LRP2: variants seen among roughly 807,000 people sequenced by gnomAD.
The protein encoded by LRP2 is low-density lipoprotein receptor-related protein 2.
Under a neutral mutation model 531.0 loss-of-function variants are expected in LRP2, and 172 were observed. The ratio of observed to expected loss-of-function variants is 0.32; its 90% CI spans 0.29 to 0.37. LRP2 has a LOEUF of 0.37. Among genes scored for constraint, LRP2 ranks in the 10% least tolerant of loss-of-function variants. LRP2 has a pLI of 1.00. For missense variants in LRP2, 5,167 were observed against 5,868.3 expected (o/e 0.88, Z 3.90); for synonymous variants, 1,992 against 2,027.6 (o/e 0.98, Z 0.47).
intron 24 of LRP2, among the ~76,000 whole-genome samples, 172 bp from the exon 25 acceptor site, chr2:169,241,537 A>G (rs533756310): frequency 6.6e-6 from 1 of 152,332 alleles, no homozygotes; most frequent in African/African-American, 2.4e-5. Flanking sequence ...ACTCTAGTAC[A>G]TAGAAATATT....
At chr2:169,308,909 A>G (rs535779065) in intron 3 of LRP2, among the ~76,000 whole-genome samples, 24 of 151,932 alleles carry the variant, frequency 1.6e-4, no homozygotes, top group African/African-American at 5.3e-4. Flanking sequence ...TTTAATGATC[A>G]CCATTCTAAC....
chr2:169,272,597 A>G (rs915487915), intron 15 of LRP2, among the ~76,000 whole-genome samples: 4 of 152,154 alleles, frequency 2.6e-5, no homozygotes, highest in African/African-American at 9.6e-5. Flanking sequence ...AAAGAGCTCA[A>G]AGTTCAACCA....
intron 67 of LRP2, 132 bp from the exon 68 acceptor site, chr2:169,151,158 TC>T: frequency 1.1e-6 from 1 of 937,232 alleles, no homozygotes. Flanking sequence ...CAGACCATAG[TC>T]CCCCTCTCTT....
intron 61 of LRP2, among the ~76,000 whole-genome samples, chr2:169,168,018 A>ATATATATATATATATATATAT (rs1686845879): frequency 1.5e-5 from 1 of 68,190 alleles, no homozygotes; most frequent in Non-Finnish European, 2.9e-5. Context: ...CAGGGTTTAA[A>ATATATATATATATATATATAT]ATATATATAT....
In LRP2 at chr2:169,204,157, C is replaced by T. The variant is rs200833251; in HGVS notation, c.7830G>A (p.Leu2610=). ...TAGCTCGGTAAATTCTTTGTGTGTA[C>T]AAGTCAGTCCAGTAAATATACTGGC... ...LYGQYIYWTD[L]YTQRIYRANK... Residue 2610 remains leucine, a synonymous_variant, in exon 42 of 79, where the codon TTG becomes TTA. Transcript: ENST00000649046. The T allele has an allele frequency of 2.0e-5, 32 of 1,614,136 alleles. No homozygotes were observed. Among genetic ancestry groups the T allele is most frequent in the Non-Finnish European group, 2.6e-5 (31 of 1,180,026 alleles).
intron 37 of LRP2, among the ~76,000 whole-genome samples, chr2:169,210,933 T>G (rs1688570207): frequency 6.6e-6 from 1 of 152,194 alleles, no homozygotes; most frequent in Non-Finnish European, 1.5e-5. Flanking sequence ...TGTGAAGAAA[T>G]GTTAACAACT....
At chr2:169,175,040 T>C (rs915934156) in intron 55 of LRP2, among the ~76,000 whole-genome samples, 153 bp downstream of exon 55, 1 of 148,604 alleles carries the variant, frequency 6.7e-6, no homozygotes, top group African/African-American at 2.5e-5. Flanking sequence ...AAAAAAAAAC[T>C]TCATAAAAAT....
At chr2:169,360,641 G>A (rs1258280008) in intron 1 of LRP2, among the ~76,000 whole-genome samples, 1 of 152,104 alleles carries the variant, frequency 6.6e-6, no homozygotes, top group Non-Finnish European at 1.5e-5. Flanking sequence ...TAGGACATGA[G>A]ATACAACCCT....
chr2:169,282,829 ATC>A, intron 10 of LRP2, 42 bp downstream of exon 10: 1 of 1,595,026 alleles, frequency 6.3e-7, no homozygotes, highest in Non-Finnish European at 8.6e-7. Context: ...AGCTATTAGA[ATC>A]TGTTCACTGT....
intron 60 of LRP2, among the ~76,000 whole-genome samples, chr2:169,169,408 T>A (rs1686909574): frequency 1.3e-5 from 2 of 152,268 alleles, no homozygotes; most frequent in African/African-American, 4.8e-5. Flanking sequence ...TTACCTGAAA[T>A]GTTTTTTATC....
intron 48 of LRP2, among the ~76,000 whole-genome samples, chr2:169,188,775 G>A (rs1687728522): frequency 6.6e-6 from 1 of 152,104 alleles, no homozygotes; most frequent in South Asian, 2.1e-4. Flanking sequence ...GAAACTCATA[G>A]GGTGAGTGCT....
chr2:169,328,364 G>A (rs1411077561), intron 1 of LRP2, among the ~76,000 whole-genome samples: 1 of 140,784 alleles, frequency 7.1e-6, no homozygotes, highest in African/African-American at 2.7e-5. Context: ...CCCCTACTAG[G>A]AAGTGAGGAG....
At chr2:169,296,827 C>T (rs188806242) in intron 4 of LRP2, among the ~76,000 whole-genome samples, 5 of 152,220 alleles carry the variant, frequency 3.3e-5, no homozygotes, top group Admixed American at 1.3e-4. Context: ...ACTGACAAGG[C>T]CCATTCCCCA....
rs568992443 is a variant in LRP2, at chr2:169,283,011, G to A, written c.1043-10C>T. On this transcript the variant is annotated splice_polypyrimidine_tract_variant and intron_variant, in intron 9 of 78. Coordinates refer to ENST00000649046, the MANE Select transcript of LRP2 (RefSeq NM_004525.3). ...TGGCAATCATCAAACTCTGCCATAT[G>A]GAAAATACACATTTGTAGTCAAGGT... 3.1e-6 allele frequency: 5 copies of A among 1,613,696 alleles called. No homozygotes were observed. The Admixed American group carries it at 8.3e-5, about 27-fold the overall frequency.
At chr2:169,267,675 C>A (rs534907165) in intron 16 of LRP2, among the ~76,000 whole-genome samples, 77 of 152,170 alleles carry the variant, frequency 5.1e-4, no homozygotes, top group African/African-American at 1.8e-3. Flanking sequence ...AACTGACACC[C>A]TAACATCACA....
chr2:169,239,779 G>A lies in LRP2; in HGVS notation c.4046-4C>T. On this transcript the variant is annotated splice_region_variant and splice_polypyrimidine_tract_variant and intron_variant, in intron 25 of 78. Transcript: ENST00000649046. ...AAATCTGAGCAGCTGTTCCCATCTA[G>A]AAAAAAGAAAGAGAATAATGAAAAA... 1 of 1,612,344 alleles carries A rather than the reference G, an allele frequency of 6.2e-7. No individual in the cohort carries two copies. The highest frequency in any genetic ancestry group is 8.5e-7 in the Non-Finnish European group (1 of 1,178,542).
Position 169,196,958 on chromosome 2 carries a change from T to C in LRP2, c.8651A>G (p.Asp2884Gly). ...GRCIPQHWYCDQETDCFDASD... is the reference protein window; with the variant it reads ...GRCIPQHWYCGQETDCFDASD... ...GGCATCAAAACAATCTGTTTCTTGA[T>C]CACAATACCAATGTTGAGGAATACA... The change falls in exon 46 of 79, where the codon GAT becomes GGT. Residue 2884 changes from aspartate (D) to glycine (G), a missense_variant. Coordinates refer to ENST00000649046, the MANE Select transcript of LRP2 (RefSeq NM_004525.3). The C allele has an allele frequency of 6.2e-7, 1 of 1,614,164 alleles. No homozygotes were observed. The highest frequency in any genetic ancestry group is 1.3e-5 in the African/African-American group (1 of 75,070).
chr2:169,191,737 TG>T, intron 48 of LRP2, 94 bp downstream of exon 48: 1 of 1,002,142 alleles, frequency 1.0e-6, no homozygotes, highest in Non-Finnish European at 1.6e-6. Flanking sequence ...TCATGGGCCC[TG>T]GGCACTGTGG....
intron 42 of LRP2, 104 bp from the exon 43 acceptor site, chr2:169,203,063 C>A: frequency 1.1e-6 from 1 of 891,304 alleles, no homozygotes. Context: ...TAAATGCTCC[C>A]TAAGAAGCGC....
Sources: gnomAD v4.1 joint callset for allele counts (sites outside exome capture counted in the v4.1 genomes callset) on GRCh38, gnomAD v4.1.1 for gene constraint, MANE v1.5 for transcripts, NCBI Gene and HGNC (gene_info 2026-07-23, HGNC 2026-07-21) for gene names.